The following PISD variants were observed in gnomAD, a reference collection of about 807,000 sequenced individuals.
The protein encoded by PISD is phosphatidylserine decarboxylase proenzyme, mitochondrial.
Under a neutral mutation model 43.5 loss-of-function variants are expected in PISD, and 31 were observed. The ratio of observed to expected loss-of-function variants is 0.71; its 90% CI spans 0.54 to 0.96. The LOEUF is 0.96. Ranked by LOEUF, PISD falls within the 40% of genes least tolerant of loss-of-function variation. The probability of loss-of-function intolerance (pLI) is 0.00; values close to 1 mark genes in which losing one functional copy is unlikely to be tolerated. For missense variants in PISD, 523 were observed against 548.4 expected (o/e 0.95, Z 0.46); for synonymous variants, 259 against 228.7 (o/e 1.13, Z -1.20).
In PISD at chr22:31,621,117, G is replaced by A; in HGVS notation, c.723C>T (p.Asn241=). ...CATTCCCTTCCCGGGTGACCAGCTG[G>A]TTCTTGAAGGAGTCACACGACGCGG... ...PPAASCDSFK[N]QLVTREGNEL... is the part of the protein sequence containing the mutation. Residue 241 remains asparagine, a synonymous_variant, in exon 6 of 8, where the codon AAC becomes AAT. Coordinates refer to ENST00000439502, the MANE Select transcript of PISD (RefSeq NM_001326411.2). The A allele has an allele frequency of 6.2e-7, 1 of 1,614,204 alleles. No homozygotes were observed. Among genetic ancestry groups the A allele is most frequent in the Non-Finnish European group, 8.5e-7 (1 of 1,180,048 alleles).
chr22:31,654,260 T>A (rs2074108119), intron 1 of PISD, among the ~76,000 whole-genome samples: 1 of 152,176 alleles, frequency 6.6e-6, no homozygotes, highest in Non-Finnish European at 1.5e-5. Context: ...GGACCGTGAT[T>A]TTTTTCCTAT....
rs1303494658 is a variant in PISD, at chr22:31,648,002, T to A, written c.321+99A>T. 8 of 1,046,186 alleles carry A rather than the reference T, an allele frequency of 7.6e-6. No homozygotes were observed. The East Asian group carries it at 1.5e-4, about 20-fold the overall frequency. The allele number at this position is 1,046,186 out of a possible 1,614,324, so 64.8% of individuals were successfully genotyped here. On this transcript the variant is annotated intron_variant, in intron 3 of 7. Coordinates refer to ENST00000439502, the MANE Select transcript of PISD (RefSeq NM_001326411.2). ...TGGAGACATGAGTTCCAAGAAAGCATATTTGACTTGTTCAAACATTTCAAC... is the reference window on the plus strand; with the variant it reads ...TGGAGACATGAGTTCCAAGAAAGCAAATTTGACTTGTTCAAACATTTCAAC...
At chr22:31,621,219 G>A (rs1276485849) in intron 5 of PISD, 77 bp from the exon 6 acceptor site, 1 of 1,610,400 alleles carries the variant, frequency 6.2e-7, no homozygotes, top group African/African-American at 1.3e-5. Flanking sequence ...GTCTGCACAT[G>A]GATTCTCAGG....
At chr22:31,652,663 C>T (rs562513669) in intron 1 of PISD, among the ~76,000 whole-genome samples, 12 of 151,202 alleles carry the variant, frequency 7.9e-5, no homozygotes, top group African/African-American at 1.9e-4. Context: ...AAAAATTAGC[C>T]GGGCGCGGTG....
intron 3 of PISD, chr22:31,623,796 A>G: frequency 6.2e-7 from 1 of 1,614,060 alleles, no homozygotes; most frequent in Non-Finnish European, 8.5e-7. Flanking sequence ...GGGTCTGGAC[A>G]TGCAGCTCAG....
rs2072477430 is a variant in PISD at position 31,620,417 on chromosome 22, C to T, written c.1005+136G>A. On this transcript the variant is annotated intron_variant, in intron 7 of 7. Coordinates refer to ENST00000439502, the MANE Select transcript of PISD (RefSeq NM_001326411.2). ...GGAGCGGCCATTCTCAGGACAGCTG[C>T]TCAGCAGAGCCAGGCCTGACCAGAG... is the stretch of plus-strand genomic sequence containing the variant. 4 of 824,070 alleles carry T rather than the reference C, an allele frequency of 4.9e-6. No homozygotes were observed. In the East Asian group the frequency reaches 1.1e-4, roughly 22 times the overall value. The allele number at this position is 824,070 out of a possible 1,614,324, so 51.0% of individuals were successfully genotyped here.
At chr22:31,642,918 C>T (rs1451717464) in intron 3 of PISD, among the ~76,000 whole-genome samples, 1 of 151,074 alleles carries the variant, frequency 6.6e-6, no homozygotes, top group African/African-American at 2.4e-5. Flanking sequence ...GCTTGACCAA[C>T]ATGGAGCATC....
At chr22:31,657,425 G>A (rs1275607519) in intron 1 of PISD, among the ~76,000 whole-genome samples, 5 of 151,984 alleles carry the variant, frequency 3.3e-5, no homozygotes, top group East Asian at 1.9e-4. Flanking sequence ...GTGAGCCACC[G>A]CACCCAGCCT....
intron 3 of PISD, among the ~76,000 whole-genome samples, chr22:31,645,470 C>A (rs1431820555): frequency 6.6e-6 from 1 of 150,910 alleles, no homozygotes; most frequent in Admixed American, 6.6e-5. Context: ...TTTGGGAGGC[C>A]GAGGTGGGCG....
At chr22:31,619,884 C>T (rs200778514) in intron 7 of PISD, 48 bp from the exon 8 acceptor site, 2 of 1,236,350 alleles carry the variant, frequency 1.6e-6, no homozygotes, top group African/African-American at 1.5e-5. Context: ...ACCAAGTGCA[C>T]AGTGTCACCC....
chr22:31,628,999 T>C (rs753899265), intron 3 of PISD: 1 of 985,324 alleles, frequency 1.0e-6, no homozygotes, highest in Non-Finnish European at 1.2e-6. Context: ...TAGGAAACAA[T>C]GGCTGATAGG....
At position 31,646,924 on chromosome 22, in the gene PISD, G is replaced by A. The variant is rs374280493; in HGVS notation, c.321+1177C>T. The stretch of plus-strand genomic sequence containing the variant: ...TACAAAGCCCAAGGCGTACGAACAG[G>A]CCAAAGGGTAGGCACATGGACATAC... On this transcript the variant is annotated intron_variant, in intron 3 of 7. Transcript: ENST00000439502. Among the ~76,000 whole-genome samples, 18 of 152,148 alleles carry A rather than the reference G, an allele frequency of 1.2e-4. 1 individual carries two copies. The East Asian group carries it at 2.1e-3, about 18-fold the overall frequency.
intron 3 of PISD, among the ~76,000 whole-genome samples, chr22:31,639,468 T>C (rs1456380191): frequency 6.6e-6 from 1 of 152,130 alleles, no homozygotes; most frequent in Non-Finnish European, 1.5e-5. Flanking sequence ...GCTCAAGCAA[T>C]CTTCCCACCT....
At chr22:31,651,641 G>T (rs779883516) in intron 1 of PISD, among the ~76,000 whole-genome samples, 2 of 152,086 alleles carry the variant, frequency 1.3e-5, no homozygotes, top group East Asian at 3.9e-4. Context: ...CCAGCTACTT[G>T]GGAGGCTGAG....
At chr22:31,634,761 C>T (rs1017678641) in intron 3 of PISD, among the ~76,000 whole-genome samples, 2 of 139,404 alleles carry the variant, frequency 1.4e-5, no homozygotes, top group African/African-American at 5.3e-5. Context: ...TCGCTTGAAC[C>T]TAGGAAGCAG....
rs1016427858 is a variant in PISD, at chr22:31,626,214, A to G, written c.322-4329T>C. On this transcript the variant is annotated intron_variant, in intron 3 of 7. Coordinates refer to ENST00000439502, the MANE Select transcript of PISD (RefSeq NM_001326411.2). ...CTGGCCTGGGGAGGCAGTAGGGGGCAAGGCCCTAGGGCTGCCCGGTCCAGT... is the reference window on the plus strand; with the variant it reads ...CTGGCCTGGGGAGGCAGTAGGGGGCGAGGCCCTAGGGCTGCCCGGTCCAGT... The G allele has an allele frequency of 1.1e-5, 3 of 276,470 alleles. No homozygotes were observed. The Admixed American group carries it at 1.7e-4, about 15-fold the overall frequency. 17.1% of individuals were successfully genotyped at this position (276,470 alleles called of 1,614,324 possible). A position where few individuals can be genotyped will look rare whatever the true frequency, so the allele number is the denominator to read the frequency against.
chr22:31,632,922 GT>G (rs1261788831), intron 3 of PISD, among the ~76,000 whole-genome samples: 1 of 152,094 alleles, frequency 6.6e-6, no homozygotes, highest in East Asian at 1.9e-4. Context: ...GGTAAAACTG[GT>G]TTCATTCTAT....
intron 3 of PISD, among the ~76,000 whole-genome samples, chr22:31,645,459 C>T (rs545202557): frequency 2.9e-3 from 439 of 151,322 alleles, no homozygotes; most frequent in Non-Finnish European, 4.8e-3. Flanking sequence ...AATCCACACA[C>T]TTTGGGAGGC....
Position 31,621,733 on chromosome 22 carries a change from G to C in PISD, c.474C>G (p.Asp158Glu). The change falls in exon 4 of 8, where the codon GAC becomes GAG. Residue 158 changes from aspartate to glutamate, a missense_variant. Coordinates refer to ENST00000439502, the MANE Select transcript of PISD (RefSeq NM_001326411.2). The stretch of plus-strand genomic sequence containing the variant: ...CGCTGAGGTTGCGGTAGTGATGCAG[G>C]TCCTCCACAGCGGCCTCTTTCATGT... ...GVNMKEAAVE[D>E]LHHYRNLSEF... 1 of 1,614,116 alleles carries C rather than the reference G, an allele frequency of 6.2e-7. No homozygotes were observed. The highest frequency in any genetic ancestry group is 8.5e-7 in the Non-Finnish European group (1 of 1,180,040).
Sources: allele counts gnomAD v4.1 joint callset (sites outside exome capture counted in the v4.1 genomes callset), GRCh38; gene constraint gnomAD v4.1.1; transcripts MANE v1.5; gene names NCBI Gene and HGNC (gene_info 2026-07-23, HGNC 2026-07-21).